Variants in HMGCLL1 observed in about 807,000 individuals in gnomAD.
The protein encoded by HMGCLL1 is 3-hydroxy-3-methylglutaryl-CoA lyase like 1.
HMGCLL1 carries 36 observed loss-of-function variants against 39.1 expected under a neutral mutation model. The observed-to-expected ratio is 0.92, with a 90% CI of 0.71 to 1.22. HMGCLL1 has a LOEUF of 1.22. HMGCLL1 is among the 50% of genes most tolerant of loss of function. HMGCLL1 has a pLI of 0.00. For missense variants in HMGCLL1, 451 were observed against 416.5 expected (o/e 1.08, Z -0.72); for synonymous variants, 149 against 144.0 (o/e 1.03, Z -0.25).
At chr6:55,628,810 GT>G in the HMGCLL1 span, among the ~76,000 whole-genome samples, 1 of 152,124 alleles carries the variant, frequency 6.6e-6, no homozygotes, top group Admixed American at 6.6e-5. Context: ...ATAAGAAGGA[GT>G]TTCCATGCAC....
At chr6:55,549,058 AATT>A (rs1770158808) in intron 1 of HMGCLL1, among the ~76,000 whole-genome samples, 2 of 151,780 alleles carry the variant, frequency 1.3e-5, no homozygotes, top group East Asian at 3.9e-4. Flanking sequence ...TAATAAATAA[AATT>A]ATTTATTCTT....
chr6:55,499,821 A>T (rs1766781797), intron 5 of HMGCLL1, among the ~76,000 whole-genome samples: 1 of 151,878 alleles, frequency 6.6e-6, no homozygotes, highest in Non-Finnish European at 1.5e-5. Flanking sequence ...TCTCTCTCTC[A>T]TGGGTTTACC....
chr6:55,668,863 A>G, the HMGCLL1 span, among the ~76,000 whole-genome samples: 2 of 151,786 alleles, frequency 1.3e-5, no homozygotes, highest in African/African-American at 4.8e-5. Context: ...CAGCAGCACC[A>G]GTAGTGGCCA....
the HMGCLL1 span, among the ~76,000 whole-genome samples, chr6:55,605,644 T>C: frequency 6.6e-6 from 1 of 152,130 alleles, no homozygotes; most frequent in Non-Finnish European, 1.5e-5. Flanking sequence ...ATATCTTGAT[T>C]CACAACAGCT....
intron 3 of HMGCLL1, among the ~76,000 whole-genome samples, chr6:55,523,590 T>C (rs1364893894): frequency 6.6e-6 from 1 of 151,932 alleles, no homozygotes; most frequent in Non-Finnish European, 1.5e-5. Flanking sequence ...AGCTCACAAT[T>C]GCTGCACTCT....
At chr6:55,647,538 T>A in the HMGCLL1 span, among the ~76,000 whole-genome samples, 2 of 147,888 alleles carry the variant, frequency 1.4e-5, 1 homozygote, top group South Asian at 4.3e-4. Flanking sequence ...TTATTGCTTT[T>A]TAGATTTTCT....
At chr6:55,627,911 A>ATATATATAC in the HMGCLL1 span, among the ~76,000 whole-genome samples, 2 of 1,824 alleles carry the variant, frequency 1.1e-3, 1 homozygote, top group South Asian at 0.043. Flanking sequence ...TATATATACT[A>ATATATATAC]TATATATATA....
At chr6:55,630,009 C>T in the HMGCLL1 span, among the ~76,000 whole-genome samples, 3 of 152,180 alleles carry the variant, frequency 2.0e-5, no homozygotes. Flanking sequence ...CCTATTGGGG[C>T]ACCACATAGT....
In HMGCLL1 at chr6:55,517,787, T is replaced by C. The variant is rs532894808; in HGVS notation, c.298-1184A>G. On this transcript the variant is annotated intron_variant, in intron 3 of 8. Coordinates refer to ENST00000274901, the MANE Select transcript of HMGCLL1 (RefSeq NM_001042406.2). ...AATTTAATGCTTTCAATTAGTATAA[T>C]CTGCATTACTTATATGAGTTTTTAA... is the stretch of plus-strand genomic sequence containing the variant. Among the ~76,000 whole-genome samples, 4 of 152,252 alleles carry C rather than the reference T, an allele frequency of 2.6e-5. No homozygotes were observed. The East Asian group carries it at 7.7e-4, about 29-fold the overall frequency.
Position 55,525,141 on chromosome 6 carries a change from C to G in HMGCLL1, c.298-8538G>C, listed in dbSNP as rs1343190973. On this transcript the variant is annotated intron_variant, in intron 3 of 8. Transcript: ENST00000274901. ...ACTGTTAGCATAAATCTTTCCCTTA[C>G]TTCAATCCACAGACTTGGTCTATGC... Among the ~76,000 whole-genome samples, 3 of 151,678 alleles carry G rather than the reference C, an allele frequency of 2.0e-5. 1 individual carries two copies. The East Asian group carries it at 5.8e-4, about 29-fold the overall frequency.
chr6:55,577,850 C>T (rs1771835031), intron 1 of HMGCLL1, among the ~76,000 whole-genome samples: 1 of 152,266 alleles, frequency 6.6e-6, no homozygotes, highest in African/African-American at 2.4e-5. Flanking sequence ...GATAACTTTT[C>T]ACCTCTACCA....
the HMGCLL1 span, among the ~76,000 whole-genome samples, chr6:55,677,272 C>G: frequency 5.9e-5 from 9 of 152,120 alleles, no homozygotes; most frequent in Admixed American, 5.9e-4. Flanking sequence ...CACCTGTGGT[C>G]CCACTACTCG....
chr6:55,652,456 G>T, the HMGCLL1 span, among the ~76,000 whole-genome samples: 1 of 152,006 alleles, frequency 6.6e-6, no homozygotes, highest in African/African-American at 2.4e-5. Context: ...TCATTATGCA[G>T]TCATTTTAAG....
intron 7 of HMGCLL1, among the ~76,000 whole-genome samples, chr6:55,494,951 C>T (rs1030157408): frequency 6.6e-6 from 1 of 152,098 alleles, no homozygotes; most frequent in African/African-American, 2.4e-5. Flanking sequence ...AGCTTGCCAA[C>T]CTCAAGAAAA....
At chr6:55,636,072 G>A in the HMGCLL1 span, among the ~76,000 whole-genome samples, 2 of 152,002 alleles carry the variant, frequency 1.3e-5, no homozygotes, top group African/African-American at 4.8e-5. Context: ...ATCAAGTATA[G>A]CACTAGATTT....
At chr6:55,487,456 C>G (rs902571571) in intron 7 of HMGCLL1, among the ~76,000 whole-genome samples, 2 of 151,964 alleles carry the variant, frequency 1.3e-5, no homozygotes, top group African/African-American at 2.4e-5. Context: ...AACCCCCTAC[C>G]CCTTGACAGG....
At chr6:55,488,613 TGAA>T in intron 7 of HMGCLL1, among the ~76,000 whole-genome samples, 1 of 152,208 alleles carries the variant, frequency 6.6e-6, no homozygotes, top group South Asian at 2.1e-4. Flanking sequence ...TGCTCTCTAT[TGAA>T]GAGAGATTTT....
chr6:55,602,411 G>A, the HMGCLL1 span, among the ~76,000 whole-genome samples: 6 of 151,704 alleles, frequency 4.0e-5, no homozygotes, highest in Admixed American at 1.3e-4. Flanking sequence ...GATGTTTCCC[G>A]CATTTCATAC....
intron 7 of HMGCLL1, among the ~76,000 whole-genome samples, chr6:55,488,567 G>C: frequency 6.6e-6 from 1 of 151,746 alleles, no homozygotes; most frequent in East Asian, 1.9e-4. Flanking sequence ...ATTCTAAATG[G>C]TCATAATTGA....
Sources: gnomAD v4.1 joint callset for allele counts (sites outside exome capture counted in the v4.1 genomes callset) on GRCh38, gnomAD v4.1.1 for gene constraint, MANE v1.5 for transcripts, NCBI Gene and HGNC (gene_info 2026-07-23, HGNC 2026-07-21) for gene names.